The following SCMH1 variants were observed in gnomAD, a reference collection of about 807,000 sequenced individuals.
SCMH1 encodes the protein polycomb protein SCMH1.
In SCMH1, 37 loss-of-function variants were observed where a neutral mutation model predicts 70.8. That is an observed-to-expected ratio of 0.52 (90% CI 0.40 to 0.69). The LOEUF (loss-of-function observed/expected upper bound fraction) is 0.69. Among genes scored for constraint, SCMH1 ranks in the 30% least tolerant of loss-of-function variants. The pLI, the probability that SCMH1 is intolerant of heterozygous loss-of-function variation, is 0.00. For synonymous variants in SCMH1, 292 were observed against 307.4 expected (o/e 0.95, Z 0.52); for missense variants, 607 against 827.3 (o/e 0.73, Z 3.27).
intron 2 of SCMH1, 61 bp downstream of exon 2, chr1:41,186,060 C>T (rs1372435809): frequency 6.5e-7 from 1 of 1,531,448 alleles, no homozygotes; most frequent in Non-Finnish European, 8.8e-7. Context: ...TTCCTTAAAG[C>T]CAGTCCTTGC....
At chr1:41,187,915 A>G (rs1158163012) in intron 1 of SCMH1, among the ~76,000 whole-genome samples, 1 of 152,082 alleles carries the variant, frequency 6.6e-6, no homozygotes, top group Non-Finnish European at 1.5e-5. Flanking sequence ...TGAGCTCAGG[A>G]GGTCAAGGCT....
intron 8 of SCMH1, among the ~76,000 whole-genome samples, chr1:41,092,237 A>G (rs188381859): frequency 2.0e-5 from 3 of 152,326 alleles, no homozygotes; most frequent in African/African-American, 7.2e-5. Context: ...CAACCATCTG[A>G]TCTTTGACAA....
intron 13 of SCMH1, among the ~76,000 whole-genome samples, chr1:41,032,349 C>T (rs16911): frequency 0.11 from 16,533 of 151,998 alleles, 1,281 homozygotes; most frequent in East Asian, 0.28. Context: ...GAGATGTCTC[C>T]GAAATGATGA....
Position 41,047,483 on chromosome 1 carries a change from G to A in SCMH1, c.1307-885C>T, listed in dbSNP as rs953681903. 2.2e-5 allele frequency among the ~76,000 whole-genome samples: 3 copies of A among 138,890 alleles called. No individual in the cohort carries two copies. In the Admixed American group the frequency reaches 2.5e-4, roughly 12 times the overall value. The allele number at this position is 138,890 out of a possible 152,430, so 91.1% of individuals were successfully genotyped here. On this transcript the variant is annotated intron_variant, in intron 11 of 14. Transcript: ENST00000337495. The stretch of plus-strand genomic sequence containing the variant: ...ACGATCTCAGCTCACTGCAACCTCC[G>A]CCTCCCAGGTTCAAGCAATTCTCTT...
At chr1:41,123,789 T>G (rs1672513448) in intron 6 of SCMH1, among the ~76,000 whole-genome samples, 1 of 152,232 alleles carries the variant, frequency 6.6e-6, no homozygotes, top group Non-Finnish European at 1.5e-5. Context: ...AGGACTCCAC[T>G]GCAAAAGAGT....
chr1:41,125,455 G>T (rs758007803), intron 6 of SCMH1, among the ~76,000 whole-genome samples: 6 of 151,740 alleles, frequency 4.0e-5, no homozygotes, highest in Non-Finnish European at 5.9e-5. Context: ...GGGCTCATGT[G>T]ATCCACTCAT....
At chr1:41,237,343 A>C (rs1333298586) in intron 1 of SCMH1, among the ~76,000 whole-genome samples, 2 of 152,188 alleles carry the variant, frequency 1.3e-5, no homozygotes, top group Non-Finnish European at 2.9e-5. Flanking sequence ...ACTACAAAAC[A>C]AATCTTAGAT....
At chr1:41,185,402 G>C (rs1419693270) in intron 2 of SCMH1, among the ~76,000 whole-genome samples, 1 of 152,104 alleles carries the variant, frequency 6.6e-6, no homozygotes, top group Admixed American at 6.6e-5. Context: ...GCCCAGGCTG[G>C]TCTCCAATTC....
At chr1:41,203,312 T>C (rs935343221) in intron 1 of SCMH1, among the ~76,000 whole-genome samples, 6 of 152,140 alleles carry the variant, frequency 3.9e-5, no homozygotes, top group African/African-American at 1.4e-4. Flanking sequence ...ACTTAAAATT[T>C]TTCTAATACC....
At chr1:41,104,654 C>A (rs925111776) in intron 8 of SCMH1, among the ~76,000 whole-genome samples, 1 of 152,204 alleles carries the variant, frequency 6.6e-6, no homozygotes, top group Non-Finnish European at 1.5e-5. Context: ...TATTAACCAA[C>A]ATGCTCATAT....
At chr1:41,038,585 T>C (rs1056525546) in intron 12 of SCMH1, among the ~76,000 whole-genome samples, 2 of 152,238 alleles carry the variant, frequency 1.3e-5, no homozygotes, top group African/African-American at 2.4e-5. Context: ...TGCTTTCTAA[T>C]ACTTACCTAA....
Position 41,135,289 on chromosome 1 carries a change from C to A in SCMH1, c.412+7589G>T, listed in dbSNP as rs79518919. ...CACTAGCCACATCAGGCCTTACATG[C>A]TTTAGCTGTGTCCCCACCCAAATCC... On this transcript the variant is annotated intron_variant, in intron 6 of 14. Coordinates refer to ENST00000337495, the Ensembl canonical transcript of SCMH1. Among the ~76,000 whole-genome samples, 170 of 152,178 alleles carry A rather than the reference C, an allele frequency of 1.1e-3. 1 individual carries two copies. The highest frequency in any genetic ancestry group is 3.9e-3 in the African/African-American group (163 of 41,524).
intron 2 of SCMH1, among the ~76,000 whole-genome samples, chr1:41,174,618 A>G (rs1646993854): frequency 6.6e-6 from 1 of 152,196 alleles, no homozygotes; most frequent in Admixed American, 6.5e-5. Context: ...TTGAATAGAT[A>G]AGTTATAAAT....
In SCMH1 at chr1:41,033,851, A is replaced by G. The variant is rs1399733561; in HGVS notation, c.1678+3511T>C. ...CAGACAGACTCATGGTGGGTTTCCA[A>G]GGAAAATTGGAGATGCTTAGGGAAC... On this transcript the variant is annotated intron_variant, in intron 13 of 14. Transcript: ENST00000337495. 3.0e-6 allele frequency: 4 copies of G among 1,335,162 alleles called. No homozygotes were observed. The East Asian group carries it at 7.0e-5, about 23-fold the overall frequency. The allele number at this position is 1,335,162 out of a possible 1,614,324, so 82.7% of individuals were successfully genotyped here.
chr1:41,130,642 C>T (rs1674437995), intron 6 of SCMH1, among the ~76,000 whole-genome samples: 1 of 152,144 alleles, frequency 6.6e-6, no homozygotes, highest in Non-Finnish European at 1.5e-5. Context: ...TCACAATTCA[C>T]ACACCATAAA....
chr1:41,035,284 C>G (rs755818479), intron 13 of SCMH1, among the ~76,000 whole-genome samples: 6 of 152,136 alleles, frequency 3.9e-5, no homozygotes, highest in Non-Finnish European at 7.4e-5. Flanking sequence ...ATACTCTCCC[C>G]CTTCCTCCCA....
rs139735157 is a variant in SCMH1, at chr1:41,209,858, C to A, written c.-117-23608G>T. Among the ~76,000 whole-genome samples the A allele has an allele frequency of 3.8e-4, 58 of 152,246 alleles. No homozygotes were observed. The East Asian group carries it at 0.01, about 27-fold the overall frequency. On this transcript the variant is annotated intron_variant, in intron 1 of 14. Transcript: ENST00000337495. Reference sequence around the variant, plus strand: ...TTCAACATAGTGTTGGAAGTTCTGGCCAGGGTAATCAGGCAAGAGAAAGAA... The same window carrying A: ...TTCAACATAGTGTTGGAAGTTCTGGACAGGGTAATCAGGCAAGAGAAAGAA...
chr1:41,154,757 T>C (rs912643886), intron 4 of SCMH1, among the ~76,000 whole-genome samples: 1 of 152,258 alleles, frequency 6.6e-6, no homozygotes, highest in African/African-American at 2.4e-5. Context: ...TAATGTTTTA[T>C]AATTTAAACA....
intron 1 of SCMH1, among the ~76,000 whole-genome samples, chr1:41,198,322 T>A (rs527553448): frequency 6.6e-6 from 1 of 152,254 alleles, no homozygotes; most frequent in East Asian, 1.9e-4. Context: ...TCAAAGCCAA[T>A]ATCCAAAAGA....
Sources: gnomAD v4.1 joint callset for allele counts (sites outside exome capture counted in the v4.1 genomes callset) on GRCh38, gnomAD v4.1.1 for gene constraint, MANE v1.5 for transcripts, NCBI Gene and HGNC (gene_info 2026-07-23, HGNC 2026-07-21) for gene names.